Variants in DNAAF10 observed in about 807,000 individuals in gnomAD.
DNAAF10 encodes the protein dynein axonemal assembly factor 10, also known as WD repeat domain 92.
DNAAF10 carries 28 observed loss-of-function variants against 43.7 expected under a neutral mutation model. The observed-to-expected ratio is 0.64, with a 90% confidence interval of 0.48 to 0.88. DNAAF10 has a LOEUF of 0.88. Among genes scored for constraint, DNAAF10 ranks in the 40% least tolerant of loss-of-function variants. The pLI is 0.00. For missense variants in DNAAF10, 403 were observed against 439.1 expected, an observed-to-expected ratio of 0.92 and a Z score of 0.73; for synonymous variants, 156 against 157.3, an observed-to-expected ratio of 0.99 and a Z score of 0.06.
At position 68,141,754 on chromosome 2, in the gene DNAAF10, C is replaced by A; in HGVS notation, c.457G>T (p.Val153Phe). ...VWDPRQKDDP[V>F]ANMEPVQGEN... is the part of the protein sequence containing the mutation. Reference sequence around the variant, plus strand: ...CCTTGTACAGGTTCCATATTAGCAACAGGATCATCTTTTTGCCTTGGGTCC... The same window carrying A: ...CCTTGTACAGGTTCCATATTAGCAAAAGGATCATCTTTTTGCCTTGGGTCC... The change falls in exon 4 of 8, where the codon GTT (valine) becomes TTT (phenylalanine). Residue 153 changes from valine to phenylalanine, a missense_variant. Val to Phe is a conservative substitution (Grantham distance 50). Coordinates refer to ENST00000295121, the MANE Select transcript of DNAAF10 (RefSeq NM_138458.4). 1 of 1,614,168 alleles carries A rather than the reference C, an allele frequency of 6.2e-7. No homozygotes were observed. The highest frequency in any genetic ancestry group is 1.1e-5 in the South Asian group (1 of 91,068).
rs535646783 is a variant in DNAAF10, at chr2:68,146,410, T to C, written c.284+1057A>G. ...TTATAGACTTTAAAACATTATTTTT[T>C]AACATGAAATTATAAGATTTATCAA... On this transcript the variant is annotated intron_variant, in intron 2 of 7. Coordinates refer to ENST00000295121, the MANE Select transcript of DNAAF10 (RefSeq NM_138458.4). Among the ~76,000 whole-genome samples, 6 of 152,322 alleles carry C rather than the reference T, an allele frequency of 3.9e-5. No individual in the cohort carries two copies. The East Asian group carries it at 9.6e-4, about 24-fold the overall frequency.
Position 68,132,523 on chromosome 2 carries a change from T to TG in DNAAF10, c.867-1079dup, listed in dbSNP as rs1672947713. Among the ~76,000 whole-genome samples, 5 of 152,222 alleles carry TG rather than the reference T, an allele frequency of 3.3e-5. No individual in the cohort carries two copies. In the South Asian group the frequency reaches 1.0e-3, roughly 31 times the overall value. The stretch of plus-strand genomic sequence containing the variant: ...TTTTAAAACCCTCCATATTATCTGT[T>TG]GAAGTTTTAAAAGAATATGTGTATA... On this transcript the variant is annotated intron_variant, in intron 7 of 7. Transcript: ENST00000295121.
At chr2:68,152,809 G>T (rs149792260) in intron 1 of DNAAF10, among the ~76,000 whole-genome samples, 79 of 152,296 alleles carry the variant, frequency 5.2e-4, no homozygotes, top group African/African-American at 1.9e-3. Flanking sequence ...TAATTCCTGT[G>T]TGAGCTATTT....
intron 1 of DNAAF10, among the ~76,000 whole-genome samples, chr2:68,149,591 G>A (rs1042839523): frequency 1.3e-5 from 2 of 152,140 alleles, no homozygotes; most frequent in Non-Finnish European, 2.9e-5. Flanking sequence ...TGTCAACAAA[G>A]CACATGGTTT....
intron 6 of DNAAF10, among the ~76,000 whole-genome samples, chr2:68,135,172 T>A (rs1673011365): frequency 6.6e-6 from 1 of 152,200 alleles, no homozygotes; most frequent in Non-Finnish European, 1.5e-5. Flanking sequence ...TTTGTTTATA[T>A]ATACGAAAAA....
At chr2:68,156,531 CT>C (rs1250926307) in intron 1 of DNAAF10, among the ~76,000 whole-genome samples, 11 of 152,354 alleles carry the variant, frequency 7.2e-5, no homozygotes, top group Admixed American at 3.9e-4. Flanking sequence ...CAAACCTAAT[CT>C]TTCCACACCC....
intron 1 of DNAAF10, 87 bp downstream of exon 1, chr2:68,157,174 G>C: frequency 6.7e-7 from 1 of 1,499,798 alleles, no homozygotes; most frequent in Non-Finnish European, 8.9e-7. Flanking sequence ...GGGGGACGCT[G>C]GGCGAAGGCT....
In DNAAF10 at chr2:68,147,834, T is replaced by C. The variant is rs112329309; in HGVS notation, c.184-267A>G. 0.025 allele frequency among the ~76,000 whole-genome samples: 3,801 copies of C among 152,298 alleles called. 140 individuals carry two copies. Among genetic ancestry groups the C allele is most frequent in the African/African-American group, 0.083 (3,455 of 41,542 alleles). The stretch of plus-strand genomic sequence containing the variant: ...AATGCTGACAGCTCTACAATCTCTA[T>C]TGCAAATATGAAAGTTTCAGCATTT... On this transcript the variant is annotated intron_variant, in intron 1 of 7. Transcript: ENST00000295121.
chr2:68,141,773 T>C lies in DNAAF10; in HGVS notation c.438A>G (p.Pro146=). ...TAGCAACAGGATCATCTTTTTGCCT[T>C]GGGTCCCACACCTTCACAGTTCCTG... is the stretch of plus-strand genomic sequence containing the variant. The part of the protein sequence containing the change: ...SRDGTVKVWD[P]RQKDDPVANM... The change falls in exon 4 of 8, where the codon CCA becomes CCG. Residue 146 remains proline (P), a synonymous_variant. Coordinates refer to ENST00000295121, the MANE Select transcript of DNAAF10 (RefSeq NM_138458.4). The C allele has an allele frequency of 6.2e-7, 1 of 1,614,176 alleles. No individual in the cohort carries two copies. Among genetic ancestry groups the C allele is most frequent in the Non-Finnish European group, 8.5e-7 (1 of 1,180,012 alleles).
intron 2 of DNAAF10, among the ~76,000 whole-genome samples, chr2:68,145,959 C>T (rs1179642165): frequency 2.0e-5 from 3 of 152,012 alleles, no homozygotes. Context: ...ATTAGTAAAA[C>T]CTTACTAATA....
Position 68,147,566 on chromosome 2 carries a change from A to G in DNAAF10, c.185T>C (p.Ile62Thr). ...QHGDLKLLRE[I>T]EKAKPIKCGT... is the part of the protein sequence containing the mutation. The stretch of plus-strand genomic sequence containing the variant: ...ACATTTAATAGGTTTGGCCTTTTCA[A>G]TCTTCATAGAAGGGAGGAAGAGAGG... Residue 62 changes from isoleucine (I) to threonine (T), a missense_variant and splice_region_variant, in exon 2 of 8, where the codon ATT becomes ACT. Transcript: ENST00000295121. The G allele has an allele frequency of 6.2e-7, 1 of 1,606,608 alleles. No individual in the cohort carries two copies. The highest frequency in any genetic ancestry group is 8.5e-7 in the Non-Finnish European group (1 of 1,175,914).
At chr2:68,157,065 G>A (rs940500890) in intron 1 of DNAAF10, 196 bp downstream of exon 1, 27 of 782,638 alleles carry the variant, frequency 3.4e-5, no homozygotes, top group Admixed American at 9.0e-5. Context: ...GTTGGGCGCG[G>A]AGGAACTACC....
intron 2 of DNAAF10, 81 bp from the exon 3 acceptor site, chr2:68,144,796 G>A (rs1673276123): frequency 6.8e-7 from 1 of 1,479,044 alleles, no homozygotes; most frequent in African/African-American, 1.4e-5. Flanking sequence ...ATATATTATA[G>A]TTAGATTTTT....
intron 5 of DNAAF10, among the ~76,000 whole-genome samples, chr2:68,137,740 G>A (rs750473485): frequency 4.6e-5 from 7 of 152,002 alleles, no homozygotes; most frequent in Non-Finnish European, 7.4e-5. Context: ...GGTGGCGTGC[G>A]CCTGTAGTCC....
intron 7 of DNAAF10, among the ~76,000 whole-genome samples, chr2:68,133,516 G>T (rs185416372): frequency 2.8e-3 from 425 of 152,238 alleles, no homozygotes; most frequent in Middle Eastern, 0.014. Context: ...ACTGTGGGAG[G>T]CCGAGGCAGG....
chr2:68,152,100 T>C (rs1016209526), intron 1 of DNAAF10, among the ~76,000 whole-genome samples: 1 of 152,220 alleles, frequency 6.6e-6, no homozygotes, highest in African/African-American at 2.4e-5. Context: ...TCTTGATTGC[T>C]GAGGTAAATG....
intron 7 of DNAAF10, chr2:68,131,667 A>C (rs1672933834): frequency 2.0e-6 from 1 of 505,012 alleles, no homozygotes. Flanking sequence ...TCTACTAAAA[A>C]CTTCTAAAAG....
intron 1 of DNAAF10, among the ~76,000 whole-genome samples, chr2:68,156,738 G>T (rs1673627955): frequency 6.6e-6 from 1 of 152,196 alleles, no homozygotes; most frequent in Admixed American, 6.5e-5. Context: ...GTTTGACCTA[G>T]TTAGCTTCTG....
intron 7 of DNAAF10, among the ~76,000 whole-genome samples, chr2:68,132,628 C>G (rs1026898923): frequency 6.6e-6 from 1 of 152,138 alleles, no homozygotes; most frequent in Admixed American, 6.5e-5. Flanking sequence ...TAGATGATTT[C>G]TTGTAGAAGC....
Sources: gnomAD v4.1 joint callset for allele counts (sites outside exome capture counted in the v4.1 genomes callset) on GRCh38, gnomAD v4.1.1 for gene constraint, MANE v1.5 for transcripts, NCBI Gene and HGNC (gene_info 2026-07-23, HGNC 2026-07-21) for gene names.